Variants in VWA8 observed in about 807,000 individuals in gnomAD.
The protein encoded by VWA8 is von Willebrand factor A domain containing 8, also known as von Willebrand factor A domain-containing protein 8.
Under a neutral mutation model 241.5 loss-of-function variants are expected in VWA8, and 221 were observed. The ratio of observed to expected loss-of-function variants is 0.91; its 90% CI spans 0.82 to 1.02. The LOEUF is 1.02. Among genes scored for constraint, VWA8 ranks in the 50% least tolerant of loss-of-function variants. The pLI, the probability that VWA8 is intolerant of heterozygous loss-of-function variation, is 0.00. For synonymous variants in VWA8, 852 were observed against 827.1 expected (o/e 1.03, Z -0.52); for missense variants, 2,322 against 2,328.7 (o/e 1.00, Z 0.06).
In VWA8 at chr13:41,833,421, C is replaced by A; in HGVS notation, c.1536G>T (p.Leu512=). Residue 512 remains leucine, a synonymous_variant, in exon 13 of 45, where the codon CTG becomes CTT. Coordinates refer to ENST00000379310, the MANE Select transcript of VWA8 (RefSeq NM_015058.2). ...CATTCACCCGGTGAATGCCATCCAG[C>A]AGGACCAGCTTGCCTTCCAGAGCAG... ...VNAALEGKLV[L]LDGIHRVNAG... 1 of 1,613,944 alleles carries A rather than the reference C, an allele frequency of 6.2e-7. No individual in the cohort carries two copies. Among genetic ancestry groups the A allele is most frequent in the Non-Finnish European group, 8.5e-7 (1 of 1,179,918 alleles).
intron 35 of VWA8, among the ~76,000 whole-genome samples, chr13:41,684,580 G>T (rs1217296851): frequency 6.6e-6 from 1 of 152,074 alleles, no homozygotes. Flanking sequence ...GGGGTTTTAA[G>T]GAGTAAGTGA....
chr13:41,905,694 C>T (rs1026202476), intron 4 of VWA8, among the ~76,000 whole-genome samples: 1 of 152,050 alleles, frequency 6.6e-6, no homozygotes, highest in Non-Finnish European at 1.5e-5. Context: ...GTCTTACAGA[C>T]TATCACACAT....
chr13:41,923,265 T>A (rs939976268), intron 2 of VWA8, among the ~76,000 whole-genome samples: 20 of 151,994 alleles, frequency 1.3e-4, no homozygotes, highest in Admixed American at 2.0e-4. Flanking sequence ...GTGGGGAACA[T>A]CACACACCGG....
chr13:41,598,133 C>T (rs1388911272), intron 40 of VWA8, among the ~76,000 whole-genome samples: 12 of 152,014 alleles, frequency 7.9e-5, no homozygotes, highest in Admixed American at 2.6e-4. Flanking sequence ...TTAGAAAGAA[C>T]GAGCACGGTT....
chr13:41,948,575 C>G (rs2138162196), intron 2 of VWA8, among the ~76,000 whole-genome samples: 1 of 152,200 alleles, frequency 6.6e-6, no homozygotes, highest in East Asian at 1.9e-4. Flanking sequence ...CTTTTTCACA[C>G]CTGGTAGACT....
chr13:41,721,668 T>G, intron 24 of VWA8, 93 bp from the exon 25 acceptor site: 4 of 1,325,612 alleles, frequency 3.0e-6, no homozygotes, highest in Non-Finnish European at 4.1e-6. Context: ...AGCCACTGGT[T>G]GCTCATCAAA....
At position 41,688,766 on chromosome 13, in the gene VWA8, A is replaced by G. The variant is rs1593697944; in HGVS notation, c.4131+588T>C. ...TCACATGTTCTCACAAGTGGGAGCG[A>G]AACATCGAGGACATACGGACACAAA... On this transcript the variant is annotated intron_variant, in intron 34 of 44. Coordinates refer to ENST00000379310, the MANE Select transcript of VWA8 (RefSeq NM_015058.2). Among the ~76,000 whole-genome samples the G allele has an allele frequency of 3.9e-5, 6 of 152,262 alleles. No individual in the cohort carries two copies. The South Asian group carries it at 1.0e-3, about 26-fold the overall frequency.
At chr13:41,824,406 T>G (rs1871092180) in intron 14 of VWA8, among the ~76,000 whole-genome samples, 1 of 152,166 alleles carries the variant, frequency 6.6e-6, no homozygotes, top group Non-Finnish European at 1.5e-5. Context: ...TAACTTAAGG[T>G]AACTTAAGAG....
chr13:41,806,638 G>A (rs905061711), intron 17 of VWA8, among the ~76,000 whole-genome samples: 1 of 152,166 alleles, frequency 6.6e-6, no homozygotes, highest in Non-Finnish European at 1.5e-5. Flanking sequence ...GGGAGGCAGA[G>A]GTTGCAGTGA....
chr13:41,616,939 T>A (rs1566389088), intron 37 of VWA8, among the ~76,000 whole-genome samples: 1 of 152,162 alleles, frequency 6.6e-6, no homozygotes, highest in Admixed American at 6.5e-5. Flanking sequence ...ATTTCAAAAC[T>A]GGTACAGTTT....
rs780508335 is a variant in VWA8 at position 41,897,893 on chromosome 13, G to GC, written c.484-6307dup. On this transcript the variant is annotated intron_variant, in intron 4 of 44. Transcript: ENST00000379310. ...CAGCCTGCTTTTATTCTGCTAGCTG[G>GC]CCCCCACCCACATCCTGCTGATTGG... Among the ~76,000 whole-genome samples, 5 of 152,110 alleles carry GC rather than the reference G, an allele frequency of 3.3e-5. No individual in the cohort carries two copies. The East Asian group carries it at 7.7e-4, about 23-fold the overall frequency.
intron 36 of VWA8, among the ~76,000 whole-genome samples, chr13:41,674,581 G>A (rs2137802153): frequency 1.3e-5 from 2 of 152,276 alleles, no homozygotes; most frequent in Non-Finnish European, 2.9e-5. Flanking sequence ...ATAAGGCATG[G>A]ATGCACCCAG....
At chr13:41,760,461 C>T (rs1349642262) in intron 21 of VWA8, among the ~76,000 whole-genome samples, 1 of 151,676 alleles carries the variant, frequency 6.6e-6, no homozygotes, top group African/African-American at 2.4e-5. Context: ...TTTTTACTTC[C>T]TAGGATTAAA....
At chr13:41,923,645 C>G (rs1388627963) in intron 2 of VWA8, among the ~76,000 whole-genome samples, 1 of 151,862 alleles carries the variant, frequency 6.6e-6, no homozygotes, top group African/African-American at 2.4e-5. Flanking sequence ...AGAGAGATAC[C>G]CTCATCTAAG....
intron 21 of VWA8, among the ~76,000 whole-genome samples, chr13:41,746,817 C>G (rs111924514): frequency 6.6e-6 from 1 of 152,106 alleles, no homozygotes; most frequent in African/African-American, 2.4e-5. Context: ...GAATATGATG[C>G]TAGAATTTTA....
In VWA8 at chr13:41,927,336, TG is replaced by T. The variant is rs541828933; in HGVS notation, c.242-15169del. The T allele has an allele frequency of 7.4e-5, 39 of 529,936 alleles. 1 individual carries two copies. In the East Asian group the frequency reaches 1.6e-3, roughly 22 times the overall value. The allele number at this position is 529,936 out of a possible 1,614,324, so 32.8% of individuals were successfully genotyped here. A position where few individuals can be genotyped will look rare whatever the true frequency, so the allele number is the denominator to read the frequency against. On this transcript the variant is annotated intron_variant, in intron 2 of 44. Coordinates refer to ENST00000379310, the MANE Select transcript of VWA8 (RefSeq NM_015058.2). ...CTGATATGCTGGAAAGCACAACAGC[TG>T]GCACTTCTGTCTAGAAAATAATAAT... is the stretch of plus-strand genomic sequence containing the variant.
intron 17 of VWA8, among the ~76,000 whole-genome samples, chr13:41,809,675 C>T (rs1021847939): frequency 5.9e-5 from 9 of 152,076 alleles, no homozygotes; most frequent in Non-Finnish European, 1.2e-4. Flanking sequence ...GAAAAACTCT[C>T]CAAGACATTG....
chr13:41,813,808 A>C (rs1373501446), intron 16 of VWA8, among the ~76,000 whole-genome samples: 1 of 152,154 alleles, frequency 6.6e-6, no homozygotes, highest in African/African-American at 2.4e-5. Flanking sequence ...TCAATTAAAA[A>C]TTGAGAGTAT....
intron 2 of VWA8, among the ~76,000 whole-genome samples, chr13:41,924,558 A>G (rs1390047129): frequency 1.3e-5 from 2 of 152,158 alleles, no homozygotes. Context: ...CAAATACATT[A>G]TGGGATATTC....
Sources: allele counts gnomAD v4.1 joint callset (sites outside exome capture counted in the v4.1 genomes callset), GRCh38; gene constraint gnomAD v4.1.1; transcripts MANE v1.5; gene names NCBI Gene and HGNC (gene_info 2026-07-23, HGNC 2026-07-21).